Variants in SLC9A1 observed in about 807,000 individuals in gnomAD.
The protein encoded by SLC9A1 is sodium/hydrogen exchanger 1.
A neutral mutation model predicts 67.9 loss-of-function variants in SLC9A1; 22 were observed. The ratio of observed to expected loss-of-function variants is 0.32; its 90% CI spans 0.23 to 0.46. The LOEUF (loss-of-function observed/expected upper bound fraction) is 0.46. SLC9A1 is among the 20% of genes least tolerant of loss of function. The pLI, the probability that SLC9A1 is intolerant of heterozygous loss-of-function variation, is 1.00. For missense variants in SLC9A1, 686 were observed against 1,094.8 expected, an observed-to-expected ratio of 0.63 and a Z score of 5.27; for synonymous variants, 421 against 471.8, an observed-to-expected ratio of 0.89 and a Z score of 1.40.
chr1:27,121,501 A>G (rs1479381021), intron 1 of SLC9A1, among the ~76,000 whole-genome samples: 1 of 152,226 alleles, frequency 6.6e-6, no homozygotes, highest in Non-Finnish European at 1.5e-5. Flanking sequence ...AACGACTGAG[A>G]AAAGAGAGGT....
chr1:27,143,847 C>A (rs1432386137), intron 1 of SLC9A1, among the ~76,000 whole-genome samples: 1 of 152,200 alleles, frequency 6.6e-6, no homozygotes, highest in Non-Finnish European at 1.5e-5. Flanking sequence ...CTTGCATGCA[C>A]ACACACTCAC....
chr1:27,142,094 C>G (rs530750978), intron 1 of SLC9A1, among the ~76,000 whole-genome samples: 1 of 152,276 alleles, frequency 6.6e-6, no homozygotes, highest in African/African-American at 2.4e-5. Context: ...AATAGATACC[C>G]CAGGAGGAAG....
chr1:27,122,989 G>A (rs1004883882), intron 1 of SLC9A1, among the ~76,000 whole-genome samples: 2 of 151,854 alleles, frequency 1.3e-5, no homozygotes, highest in African/African-American at 2.4e-5. Flanking sequence ...CTGGGGAGGG[G>A]GTTACCTGGG....
At chr1:27,102,915 T>G (rs1172281929) in intron 6 of SLC9A1, 172 bp from the exon 7 acceptor site, 1 of 647,406 alleles carries the variant, frequency 1.5e-6, no homozygotes, top group Admixed American at 2.5e-5. Context: ...CCAGCGGCCC[T>G]GACTCTGGGT....
In SLC9A1 at chr1:27,114,213, C is replaced by A. The variant is rs972362776; in HGVS notation, c.426G>T (p.Val142=). ...CGCCTACACCCTTGATCAGGCCCCC[C>A]ACCAGCAGCCCCACCACGATCAGCA... The part of the protein sequence containing the change: ...SCLLIVVGLL[V]GGLIKGVGET... Residue 142 remains valine, a synonymous_variant, in exon 2 of 12, where the codon GTG becomes GTT. Coordinates refer to ENST00000263980, the MANE Select transcript of SLC9A1 (RefSeq NM_003047.5). This position sits in a 1 kb window ranked among gnomAD's most constrained non-coding sequence, Gnocchi z 5.4. 6 of 1,614,142 alleles carry A rather than the reference C, an allele frequency of 3.7e-6. No individual in the cohort carries two copies. Among genetic ancestry groups the A allele is most frequent in the Non-Finnish European group, 5.1e-6 (6 of 1,179,990 alleles).
At chr1:27,148,747 T>C (rs1293441358) in intron 1 of SLC9A1, among the ~76,000 whole-genome samples, 1 of 152,152 alleles carries the variant, frequency 6.6e-6, no homozygotes, top group Non-Finnish European at 1.5e-5. Context: ...TCCTCCTGCC[T>C]TGTAGAGCTA....
rs748512809 is a variant in SLC9A1, at chr1:27,100,429, C to T, written c.2326G>A (p.Asp776Asn). The T allele has an allele frequency of 6.2e-6, 10 of 1,612,168 alleles. No individual in the cohort carries two copies. Among genetic ancestry groups the T allele is most frequent in the African/African-American group, 1.3e-5 (1 of 74,916 alleles). Residue 776 changes from aspartate to asparagine, a missense_variant, in exon 12 of 12, where the codon GAT becomes AAT. Transcript: ENST00000263980. This position sits in a 1 kb window ranked among gnomAD's most constrained non-coding sequence, Gnocchi z 5.6. The stretch of plus-strand genomic sequence containing the variant: ...TCACTGGGCGCGGGGGTGAAGACAT[C>T]GTCGGTTCCTGGGGACGAAGTCTCC... Reference protein sequence around the residue: ...SKETSSPGTDDVFTPAPSDSP... With the variant: ...SKETSSPGTDNVFTPAPSDSP...
chr1:27,122,453 C>A (rs1197249622), intron 1 of SLC9A1, among the ~76,000 whole-genome samples: 1 of 152,208 alleles, frequency 6.6e-6, no homozygotes, highest in Non-Finnish European at 1.5e-5. Context: ...CTGAAGCCTG[C>A]AGCCAGCCTG....
intron 5 of SLC9A1, chr1:27,103,517 C>T (rs541741515): frequency 7.7e-5 from 45 of 582,588 alleles, no homozygotes; most frequent in East Asian, 6.3e-4. Flanking sequence ...CCTGGAGACA[C>T]GGTCAGAGGT....
chr1:27,131,447 A>C (rs1234336128), intron 1 of SLC9A1, among the ~76,000 whole-genome samples: 2 of 146,302 alleles, frequency 1.4e-5, no homozygotes, highest in African/African-American at 5.1e-5. Flanking sequence ...TACAAAAAAA[A>C]AAAAAAAAAA....
chr1:27,105,768 G>C (rs778802802), intron 5 of SLC9A1, 117 bp downstream of exon 5: 3 of 887,672 alleles, frequency 3.4e-6, no homozygotes, highest in African/African-American at 1.7e-5. Context: ...CACACAGCAA[G>C]TTAGTGGTGG....
intron 1 of SLC9A1, among the ~76,000 whole-genome samples, chr1:27,128,720 C>T (rs982191891): frequency 2.0e-5 from 3 of 150,678 alleles, no homozygotes; most frequent in Non-Finnish European, 2.9e-5. Context: ...CACTTTGAGA[C>T]GCCAAGGCGG....
At chr1:27,112,260 A>T (rs2083233714) in intron 2 of SLC9A1, among the ~76,000 whole-genome samples, 1 of 152,148 alleles carries the variant, frequency 6.6e-6, no homozygotes, top group Non-Finnish European at 1.5e-5. Context: ...GAGGCGTGGG[A>T]GGAACAGGAA....
intron 1 of SLC9A1, among the ~76,000 whole-genome samples, chr1:27,128,580 C>T (rs546887191): frequency 6.4e-4 from 96 of 150,394 alleles, no homozygotes; most frequent in African/African-American, 2.0e-3. Context: ...CACCTGAGCC[C>T]GGGAGGTTGA....
At chr1:27,150,825 AG>A (rs1208238468) in intron 1 of SLC9A1, among the ~76,000 whole-genome samples, 1 of 152,112 alleles carries the variant, frequency 6.6e-6, no homozygotes, top group Non-Finnish European at 1.5e-5. Flanking sequence ...CTCCATGGTT[AG>A]GGTAGGAAGG....
Position 27,100,660 on chromosome 1 carries a change from A to G in SLC9A1, c.2111-16T>C, listed in dbSNP as rs1248547523. On this transcript the variant is annotated splice_polypyrimidine_tract_variant and intron_variant, in intron 11 of 11. Transcript: ENST00000263980. The surrounding 1 kb of genome is among the most constrained non-coding windows in gnomAD (Gnocchi z 5.6). ...GCCAGTGGGTCTGGGGACCAAGAGC[A>G]AGGCACAAGCTGGGTTCCGCTCTGG... The G allele has an allele frequency of 3.8e-6, 6 of 1,586,800 alleles. No individual in the cohort carries two copies. Among genetic ancestry groups the G allele is most frequent in the Non-Finnish European group, 5.1e-6 (6 of 1,165,432 alleles).
rs2083251346 is a variant in SLC9A1, at chr1:27,114,313, C to T, written c.353-27G>A. Reference sequence around the variant, plus strand: ...TGCGGAGGGCGAGAGAACGGGAGGCCATGGGCTTTCGGAGGAGCCAGGAGA... The same window carrying T: ...TGCGGAGGGCGAGAGAACGGGAGGCTATGGGCTTTCGGAGGAGCCAGGAGA... On this transcript the variant is annotated intron_variant, in intron 1 of 11. Coordinates refer to ENST00000263980, the MANE Select transcript of SLC9A1 (RefSeq NM_003047.5). This position sits in a 1 kb window ranked among gnomAD's most constrained non-coding sequence, Gnocchi z 5.4. The T allele has an allele frequency of 6.3e-7, 1 of 1,579,254 alleles. No homozygotes were observed. The highest frequency in any genetic ancestry group is 2.3e-5 in the East Asian group (1 of 44,390).
At chr1:27,127,797 C>G (rs761784154) in intron 1 of SLC9A1, among the ~76,000 whole-genome samples, 3 of 152,162 alleles carry the variant, frequency 2.0e-5, no homozygotes, top group Non-Finnish European at 4.4e-5. Context: ...TGGGTGAGCA[C>G]CCCCTCCATC....
At position 27,111,144 on chromosome 1, in the gene SLC9A1, G is replaced by C. The variant is rs774438194; in HGVS notation, c.814-1367C>G. On this transcript the variant is annotated intron_variant, in intron 2 of 11. Coordinates refer to ENST00000263980, the MANE Select transcript of SLC9A1 (RefSeq NM_003047.5). ...GGTGCGGCCTGGCCCCAGCTGTCTGGGGGATAGGACAGGGCTCCAGCGGCA... is the reference window on the plus strand; with the variant it reads ...GGTGCGGCCTGGCCCCAGCTGTCTGCGGGATAGGACAGGGCTCCAGCGGCA... Among the ~76,000 whole-genome samples the C allele has an allele frequency of 2.2e-4, 34 of 152,278 alleles. 2 individuals carry two copies. Among genetic ancestry groups the C allele is most frequent in the Admixed American group, 6.5e-4 (10 of 15,304 alleles).
Sources: gnomAD v4.1 joint callset for allele counts (sites outside exome capture counted in the v4.1 genomes callset) on GRCh38, gnomAD v4.1.1 for gene constraint, Gnocchi (gnomAD v3.1) non-coding constraint, MANE v1.5 for transcripts, NCBI Gene and HGNC (gene_info 2026-07-23, HGNC 2026-07-21) for gene names.